C4orf50: variants seen among roughly 807,000 people sequenced by gnomAD.
The protein encoded by C4orf50 is uncharacterized protein C4orf50.
C4orf50 carries 80 observed loss-of-function variants against 77.2 expected under a neutral mutation model. The observed-to-expected ratio is 1.04, with a 90% CI of 0.87 to 1.25. The LOEUF (loss-of-function observed/expected upper bound fraction) is 1.25, where lower values mean the gene tolerates loss of function less well. Ranked by LOEUF, C4orf50 falls within the 50% of genes most tolerant of loss-of-function variation. The pLI, the probability that C4orf50 is intolerant of heterozygous loss-of-function variation, is 0.00. For missense variants in C4orf50, 1,257 were observed against 1,152.9 expected, an observed-to-expected ratio of 1.09 and a Z score of -1.31; for synonymous variants, 532 against 465.3, an observed-to-expected ratio of 1.14 and a Z score of -1.84.
intron 28 of C4orf50, among the ~76,000 whole-genome samples, chr4:5,985,545 A>C (rs1267683023): frequency 6.6e-6 from 1 of 152,138 alleles, no homozygotes; most frequent in African/African-American, 2.4e-5. Context: ...TAAAAGAATA[A>C]TACTAAAACA....
intron 7 of C4orf50, among the ~76,000 whole-genome samples, chr4:5,937,122 G>T (rs866523400): frequency 6.6e-6 from 1 of 151,746 alleles, no homozygotes; most frequent in Non-Finnish European, 1.5e-5. Context: ...GTGCTCCAGG[G>T]AGAACTAAAC....
At chr4:5,914,262 T>C (rs1716939741) in intron 7 of C4orf50, among the ~76,000 whole-genome samples, 1 of 140,324 alleles carries the variant, frequency 7.1e-6, no homozygotes, top group Non-Finnish European at 1.5e-5. Context: ...TGGAGGGCAG[T>C]GGCGCAATCT....
intron 7 of C4orf50, among the ~76,000 whole-genome samples, chr4:5,937,280 A>AG (rs1267346690): frequency 1.3e-5 from 2 of 152,224 alleles, no homozygotes; most frequent in East Asian, 3.8e-4. Flanking sequence ...GAAACATAAA[A>AG]GATGCAAGGG....
chr4:5,906,280 G>A (rs1411409185), intron 7 of C4orf50, among the ~76,000 whole-genome samples: 2 of 152,086 alleles, frequency 1.3e-5, no homozygotes, highest in Non-Finnish European at 2.9e-5. Flanking sequence ...ATTTTGCAAG[G>A]GGAAAGGAAG....
Position 6,015,661 on chromosome 4 carries a change from A to G in C4orf50, c.287+2484T>C, listed in dbSNP as rs1722656534. Among the ~76,000 whole-genome samples, 2 of 152,128 alleles carry G rather than the reference A, an allele frequency of 1.3e-5. No individual in the cohort carries two copies. Among genetic ancestry groups the G allele is most frequent in the African/African-American group, 4.8e-5 (2 of 41,422 alleles). On this transcript the variant is annotated intron_variant, in intron 23 of 33. Transcript: ENST00000531445. The surrounding 1 kb of genome is among the most constrained non-coding windows in gnomAD (Gnocchi z 4.4). ...ACAAGCTTGGCGGCCAGAAGTCGGAATCAGTCTTCCTGAGCTAGTCGAGCT... is the reference window on the plus strand; with the variant it reads ...ACAAGCTTGGCGGCCAGAAGTCGGAGTCAGTCTTCCTGAGCTAGTCGAGCT...
rs1716281613 is a variant in C4orf50 at position 5,900,120 on chromosome 4, GAAT to G, written c.*2475-1935_*2475-1933del. 1 of 152,160 alleles carries G rather than the reference GAAT, an allele frequency of 6.6e-6. No homozygotes were observed. The highest frequency in any genetic ancestry group is 2.4e-5 in the African/African-American group (1 of 41,430). 9.4% of individuals were successfully genotyped at this position (152,160 alleles called of 1,614,324 possible). ...CAGAAGGTTTCACGTTTCAGACCTA[GAAT>G]TTCACCCTGGAACCAAAGGGGAACT... On this transcript the variant is annotated intron_variant, in intron 7 of 7. Coordinates refer to the C4orf50 transcript ENST00000324058. The surrounding 1 kb of genome is among the most constrained non-coding windows in gnomAD (Gnocchi z 4.3).
rs145615086 is a variant in C4orf50, at chr4:5,919,134, G to A, written c.*2475-20946C>T. Among the ~76,000 whole-genome samples, 56 of 152,318 alleles carry A rather than the reference G, an allele frequency of 3.7e-4. No homozygotes were observed. Among genetic ancestry groups the A allele is most frequent in the Non-Finnish European group, 4.4e-4 (30 of 68,018 alleles). On this transcript the variant is annotated intron_variant, in intron 7 of 7. Transcript: ENST00000324058. This position sits in a 1 kb window ranked among gnomAD's most constrained non-coding sequence, Gnocchi z 6.5. ...GACATTGCTAGTGAGCGGTAGCGGG[G>A]AATGCTGGGGTGTGGGGGCAACGTC...
chr4:5,957,872 CA>C (rs1014780238), exon 34 of C4orf50: 9 of 152,154 alleles, frequency 5.9e-5, no homozygotes, highest in African/African-American at 2.2e-4. Flanking sequence ...TATAATTGTA[CA>C]ACATAAGTCA....
intron 28 of C4orf50, among the ~76,000 whole-genome samples, chr4:5,986,300 T>C (rs10016601): frequency 0.62 from 94,092 of 151,974 alleles, 30,551 homozygotes; most frequent in East Asian, 0.92. Flanking sequence ...ATACTGTATA[T>C]TTTCTGACAG....
chr4:6,002,238 C>A (rs533791659), intron 25 of C4orf50, among the ~76,000 whole-genome samples: 1 of 152,130 alleles, frequency 6.6e-6, no homozygotes, highest in South Asian at 2.1e-4. Context: ...AGGCAGAAAT[C>A]AGAGTGATGC....
chr4:5,957,349 C>T (rs1307818794), exon 34 of C4orf50: 6 of 152,256 alleles, frequency 3.9e-5, no homozygotes, highest in Admixed American at 3.3e-4. Context: ...TGGCTGTCCT[C>T]GGCTGCACCG....
At chr4:6,001,146 A>G (rs974071691) in intron 25 of C4orf50, among the ~76,000 whole-genome samples, 3 of 152,084 alleles carry the variant, frequency 2.0e-5, no homozygotes, top group Admixed American at 1.3e-4. Context: ...TGATTACCCA[A>G]TGACATTTTT....
chr4:6,004,089 ATGATGGTGATGATGG>A (rs1560598494), intron 25 of C4orf50, among the ~76,000 whole-genome samples: 15 of 23,012 alleles, frequency 6.5e-4, no homozygotes, highest in East Asian at 2.9e-3. Context: ...TGTGATAGTG[ATGATGGTGATGATGG>A]TGATGGTGAT....
At chr4:5,936,517 G>A (rs1442882539) in intron 7 of C4orf50, among the ~76,000 whole-genome samples, 1 of 127,522 alleles carries the variant, frequency 7.8e-6, no homozygotes, top group East Asian at 2.2e-4. Context: ...AGCCGAGATC[G>A]CACCACTGCA....
At chr4:5,953,719 C>G (rs1457342697), downstream of C4orf50, among the ~76,000 whole-genome samples, 1 of 152,120 alleles carries the variant, frequency 6.6e-6, no homozygotes, top group Non-Finnish European at 1.5e-5. Flanking sequence ...TGCTGGGGGG[C>G]CTGGGGGACT....
intron 25 of C4orf50, among the ~76,000 whole-genome samples, chr4:6,004,323 A>ATGATAGTGATG (rs1722112195): frequency 4.4e-5 from 1 of 22,574 alleles, no homozygotes; most frequent in Non-Finnish European, 1.1e-4. Context: ...ATGTGATCGT[A>ATGATAGTGATG]ATGGTGATGA....
At chr4:5,975,093 T>C (rs1361749725) in intron 30 of C4orf50, among the ~76,000 whole-genome samples, 1 of 128,522 alleles carries the variant, frequency 7.8e-6, no homozygotes, top group Non-Finnish European at 1.5e-5. Flanking sequence ...TGAGCCAAAA[T>C]CGTACCATTG....
intron 28 of C4orf50, among the ~76,000 whole-genome samples, chr4:5,983,019 C>G (rs1253577472): frequency 6.6e-6 from 1 of 152,154 alleles, no homozygotes; most frequent in Non-Finnish European, 1.5e-5. Flanking sequence ...AGTAGGAAGC[C>G]ACAGAGGGTT....
rs975323965 is a variant in C4orf50 at position 5,990,151 on chromosome 4, G to C, written c.1895C>G (p.Ala632Gly). ...TTCGGGACCCTCCTTTGATACTGAG[G>C]CCTCCCCCTGTAGAAGAGGCATCAA... The change falls in exon 28 of 34, where the codon GCC becomes GGC. Residue 632 changes from alanine (A) to glycine (G), a missense_variant. Transcript: ENST00000531445. The C allele has an allele frequency of 4.8e-6, 6 of 1,258,170 alleles. No individual in the cohort carries two copies. In the African/African-American group the frequency reaches 9.2e-5, roughly 19 times the overall value. The allele number at this position is 1,258,170 out of a possible 1,614,324, so 77.9% of individuals were successfully genotyped here.
Sources: gnomAD v4.1 joint callset for allele counts (sites outside exome capture counted in the v4.1 genomes callset) on GRCh38, gnomAD v4.1.1 for gene constraint, Gnocchi (gnomAD v3.1) non-coding constraint, MANE v1.5 for transcripts, NCBI Gene and HGNC (gene_info 2026-07-23, HGNC 2026-07-21) for gene names.